The following SYTL5 variants were observed in gnomAD, a reference collection of about 807,000 sequenced individuals.
SYTL5 encodes the protein synaptotagmin like 5.
Under a neutral mutation model 55.9 loss-of-function variants are expected in SYTL5, and 34 were observed. The ratio of observed to expected loss-of-function variants is 0.61; its 90% CI spans 0.46 to 0.81. The LOEUF is 0.81. Among genes scored for constraint, SYTL5 ranks in the 30% least tolerant of loss-of-function variants. The probability of loss-of-function intolerance (pLI) is 0.00; values close to 1 mark genes in which losing one functional copy is unlikely to be tolerated. For synonymous variants in SYTL5, 221 were observed against 188.7 expected (o/e 1.17, Z -1.40); for missense variants, 637 against 546.7 (o/e 1.17, Z -1.65).
the SYTL5 span, among the ~76,000 whole-genome samples, chrX:37,951,536 T>C: frequency 1.8e-5 from 2 of 111,157 alleles, no homozygotes; most frequent in Non-Finnish European, 3.8e-5. Context: ...GTAGGAGAGA[T>C]AGACTGATAG....
intron 13 of SYTL5, among the ~76,000 whole-genome samples, chrX:38,111,756 T>C (rs1483128472): frequency 1.8e-5 from 2 of 111,971 alleles, no homozygotes; most frequent in Non-Finnish European, 3.8e-5. Context: ...TTGGGCCTGG[T>C]TCTCCTAATT....
intron 3 of SYTL5, among the ~76,000 whole-genome samples, chrX:38,062,004 G>A (rs1935960100): frequency 9.2e-6 from 1 of 108,822 alleles, no homozygotes; most frequent in Admixed American, 9.9e-5. Context: ...GTCTTGCTCT[G>A]TCACCCAAGC....
At chrX:38,066,278 T>C (rs1306363674) in intron 3 of SYTL5, among the ~76,000 whole-genome samples, 1 of 112,029 alleles carries the variant, frequency 8.9e-6, no homozygotes, top group African/African-American at 3.2e-5. Flanking sequence ...CATTATTCTT[T>C]TTTAAGATAA....
chrX:38,099,635 AGTGGGC>A (rs1467831764), intron 9 of SYTL5, among the ~76,000 whole-genome samples: 1 of 111,098 alleles, frequency 9.0e-6, no homozygotes, highest in Non-Finnish European at 1.9e-5. Flanking sequence ...AATTGGTAAG[AGTGGGC>A]ATACTGTATT....
At position 38,127,654 on chromosome X, in the gene SYTL5, C is replaced by T. The variant is rs753079448; in HGVS notation, c.*924C>T. ...CTCTTCCCCCTTGTTTTCTCCTTCA[C>T]TGAGTTTTTCTTATCTCCTTTTGCA... On this transcript the variant is annotated 3_prime_UTR_variant, in exon 17 of 17. Coordinates refer to ENST00000297875, the MANE Select transcript of SYTL5 (RefSeq NM_138780.3). The T allele has an allele frequency of 8.9e-6, 1 of 112,256 alleles. No homozygotes were observed. The highest frequency in any genetic ancestry group is 3.8e-4 in the South Asian group (1 of 2,663). 9.3% of individuals were successfully genotyped at this position (112,256 alleles called of 1,213,427 possible).
chrX:37,930,648 A>C, the SYTL5 span, among the ~76,000 whole-genome samples: 1 of 112,110 alleles, frequency 8.9e-6, no homozygotes, highest in Non-Finnish European at 1.9e-5. Flanking sequence ...TTGCAGGTGA[A>C]TCTCATCCTG....
chrX:37,952,405 A>G, the SYTL5 span, among the ~76,000 whole-genome samples: 1 of 111,484 alleles, frequency 9.0e-6, no homozygotes, highest in Non-Finnish European at 1.9e-5. Context: ...TCTTTCCATG[A>G]CAAGGTCAAA....
chrX:37,940,332 A>G, the SYTL5 span, among the ~76,000 whole-genome samples: 2 of 109,851 alleles, frequency 1.8e-5, no homozygotes, highest in African/African-American at 6.6e-5. Flanking sequence ...AAGACAAACA[A>G]AACACTCCTA....
At chrX:38,027,607 A>C (rs1019365063) in intron 1 of SYTL5, among the ~76,000 whole-genome samples, 1 of 112,204 alleles carries the variant, frequency 8.9e-6, no homozygotes, top group African/African-American at 3.2e-5. Flanking sequence ...AAGACAAATC[A>C]TGGTAAGACC....
At chrX:38,022,014 G>A (rs1415354565) in intron 1 of SYTL5, among the ~76,000 whole-genome samples, 2 of 112,244 alleles carry the variant, frequency 1.8e-5, no homozygotes, top group Non-Finnish European at 3.8e-5. Flanking sequence ...TAGTATTTTT[G>A]CAAAATACAA....
the SYTL5 span, among the ~76,000 whole-genome samples, chrX:37,941,639 G>A: frequency 9.0e-6 from 1 of 111,539 alleles, no homozygotes; most frequent in South Asian, 3.8e-4. Context: ...GAAGTTGATG[G>A]ATAAAAACAC....
intron 12 of SYTL5, among the ~76,000 whole-genome samples, chrX:38,109,871 G>A (rs1937315653): frequency 2.7e-5 from 3 of 111,379 alleles, no homozygotes; most frequent in Non-Finnish European, 3.8e-5. Context: ...ATAAAATTTG[G>A]TGTTTGCGAG....
the SYTL5 span, among the ~76,000 whole-genome samples, chrX:37,892,262 A>G: frequency 9.1e-6 from 1 of 109,957 alleles, no homozygotes; most frequent in Non-Finnish European, 1.9e-5. Flanking sequence ...TTATCCAGTG[A>G]ATGTAAAGCA....
Position 38,076,620 on chromosome X carries a change from A to G in SYTL5, c.608A>G (p.Lys203Arg). The G allele has an allele frequency of 1.7e-6, 2 of 1,209,707 alleles. No homozygotes were observed. The highest frequency in any genetic ancestry group is 2.2e-6 in the Non-Finnish European group (2 of 893,741). The change falls in exon 6 of 17, where the codon AAA becomes AGA. Residue 203 changes from lysine to arginine, a missense_variant. By Grantham distance (26) the Lys-to-Arg change is conservative (BLOSUM62 2). Transcript: ENST00000297875. ...SATRGEIITP[K>R]TDTGRSYSLD... ...ACCAGAGGAGAAATCATAACTCCCAAAACTGACACTGGGCGGAGCTATAGC... is the reference window on the plus strand; with the variant it reads ...ACCAGAGGAGAAATCATAACTCCCAGAACTGACACTGGGCGGAGCTATAGC...
At chrX:38,000,988 G>A in the SYTL5 span, among the ~76,000 whole-genome samples, 5 of 111,064 alleles carry the variant, frequency 4.5e-5, no homozygotes, top group Non-Finnish European at 9.4e-5. Flanking sequence ...CTCTGCCCGC[G>A]AAGATCTTGG....
In SYTL5 at chrX:38,016,036, A is replaced by T. The variant is rs187655947; in HGVS notation, c.-357+9368A>T. Among the ~76,000 whole-genome samples, 35 of 111,825 alleles carry T rather than the reference A, an allele frequency of 3.1e-4. No homozygotes were observed. The East Asian group carries it at 8.4e-3, about 27-fold the overall frequency. On this transcript the variant is annotated intron_variant, in intron 1 of 16. Transcript: ENST00000297875. ...AAATTCAGTAGCTCTGGAATGCGCT[A>T]GGCCTACTATCATTAATTTTAATGA...
At chrX:38,029,421 A>G (rs1247719274) in intron 1 of SYTL5, among the ~76,000 whole-genome samples, 1 of 112,621 alleles carries the variant, frequency 8.9e-6, no homozygotes, top group South Asian at 3.6e-4. Context: ...ATAACATATT[A>G]CAATGTTAGC....
chrX:37,921,915 G>A, the SYTL5 span, among the ~76,000 whole-genome samples: 3 of 111,827 alleles, frequency 2.7e-5, no homozygotes, highest in South Asian at 3.7e-4. Flanking sequence ...TGAGTTGGAC[G>A]GAAAAGGAGT....
At chrX:38,025,485 G>C (rs934479337) in intron 1 of SYTL5, among the ~76,000 whole-genome samples, 4 of 111,738 alleles carry the variant, frequency 3.6e-5, no homozygotes, top group African/African-American at 9.8e-5. Flanking sequence ...AGAAGTTAAT[G>C]ACTTGTCCAA....
Sources: gnomAD v4.1 joint callset for allele counts (sites outside exome capture counted in the v4.1 genomes callset) on GRCh38, gnomAD v4.1.1 for gene constraint, MANE v1.5 for transcripts, NCBI Gene and HGNC (gene_info 2026-07-23, HGNC 2026-07-21) for gene names.